Variants in ZFAT observed in about 807,000 individuals in gnomAD.
ZFAT encodes the protein zinc finger protein ZFAT.
ZFAT carries 64 observed loss-of-function variants against 117.7 expected under a neutral mutation model. The observed-to-expected ratio is 0.54, with a 90% CI of 0.44 to 0.67. The LOEUF (loss-of-function observed/expected upper bound fraction) is 0.67. ZFAT is among the 30% of genes least tolerant of loss of function. The pLI is 0.00. For missense variants in ZFAT, 1,433 were observed against 1,584.5 expected (o/e 0.90, Z 1.62); for synonymous variants, 679 against 615.0 (o/e 1.10, Z -1.54).
chr8:134,609,986 T>C (rs1828199666), intron 4 of ZFAT, among the ~76,000 whole-genome samples: 1 of 152,210 alleles, frequency 6.6e-6, no homozygotes, highest in Non-Finnish European at 1.5e-5. Flanking sequence ...TGGGTATCTA[T>C]GTCAGTTTAC....
intron 10 of ZFAT, 136 bp from the exon 11 acceptor site, chr8:134,565,557 AC>A (rs1824389527): frequency 1.2e-6 from 1 of 826,058 alleles, no homozygotes; most frequent in Non-Finnish European, 2.0e-6. Flanking sequence ...GGGAACAGCG[AC>A]GAGGTGCACA....
the ZFAT span, among the ~76,000 whole-genome samples, chr8:134,810,647 C>T: frequency 7.9e-5 from 12 of 152,012 alleles, no homozygotes; most frequent in Non-Finnish European, 1.2e-4. Flanking sequence ...GTCATTTAAC[C>T]GCTCCACACC....
At chr8:134,547,945 G>T (rs1196272125) in intron 11 of ZFAT, among the ~76,000 whole-genome samples, 1 of 152,138 alleles carries the variant, frequency 6.6e-6, no homozygotes, top group East Asian at 1.9e-4. Flanking sequence ...GAGGCCTCTG[G>T]CAACTGTGAG....
At chr8:134,681,941 G>A (rs189207888) in intron 1 of ZFAT, among the ~76,000 whole-genome samples, 1 of 152,304 alleles carries the variant, frequency 6.6e-6, no homozygotes, top group East Asian at 1.9e-4. Context: ...ATATATTCAG[G>A]AAGAGACTCA....
At chr8:134,481,072 G>GT (rs1253243209) in intron 15 of ZFAT, among the ~76,000 whole-genome samples, 4 of 152,066 alleles carry the variant, frequency 2.6e-5, no homozygotes, top group African/African-American at 4.8e-5. Context: ...AGACTGATTT[G>GT]TTTTTTTAGA....
At chr8:134,482,359 G>A (rs1474260863) in intron 15 of ZFAT, among the ~76,000 whole-genome samples, 3 of 152,230 alleles carry the variant, frequency 2.0e-5, no homozygotes, top group Admixed American at 6.5e-5. Context: ...GGCCTGAAAC[G>A]AAGTTCGCAG....
the ZFAT span, among the ~76,000 whole-genome samples, chr8:134,771,211 C>T: frequency 7.2e-5 from 11 of 152,170 alleles, no homozygotes; most frequent in African/African-American, 1.4e-4. Flanking sequence ...TGTGATGTCT[C>T]CCCCGGATGC....
intron 11 of ZFAT, among the ~76,000 whole-genome samples, chr8:134,551,788 T>C (rs1823187428): frequency 6.6e-6 from 1 of 152,224 alleles, no homozygotes; most frequent in African/African-American, 2.4e-5. Flanking sequence ...AAGCCCCTTA[T>C]ACATTCTAGG....
intron 1 of ZFAT, among the ~76,000 whole-genome samples, chr8:134,689,342 A>G (rs1016624203): frequency 2.6e-5 from 4 of 152,236 alleles, no homozygotes; most frequent in Non-Finnish European, 5.9e-5. Context: ...GCCCTGCTCC[A>G]CAGGAGCGGT....
rs759994129 is a variant in ZFAT, at chr8:134,495,933, GA to G, written c.3492+13685del. On this transcript the variant is annotated intron_variant, in intron 15 of 15. Coordinates refer to ENST00000377838, the MANE Select transcript of ZFAT (RefSeq NM_020863.4). ...TGACAGAGTGAGACCCTGTCTCAAA[GA>G]AAAAAAAAAAGTTGGTGTCTTATCC... 5.0e-3 allele frequency among the ~76,000 whole-genome samples: 730 copies of G among 145,504 alleles called. 5 individuals are homozygous for G. Among genetic ancestry groups the G allele is most frequent in the Middle Eastern group, 0.01 (3 of 286 alleles).
At chr8:134,682,429 G>A (rs1365319722) in intron 1 of ZFAT, among the ~76,000 whole-genome samples, 1 of 152,222 alleles carries the variant, frequency 6.6e-6, no homozygotes, top group African/African-American at 2.4e-5. Context: ...GCTGAGGCAG[G>A]CAGATCGCTT....
At chr8:134,818,943 T>C in the ZFAT span, among the ~76,000 whole-genome samples, 2 of 152,160 alleles carry the variant, frequency 1.3e-5, no homozygotes. Context: ...TCAAGGGACA[T>C]CAGAAAACTT....
the ZFAT span, among the ~76,000 whole-genome samples, chr8:134,721,188 C>T: frequency 1.3e-5 from 2 of 152,188 alleles, no homozygotes; most frequent in African/African-American, 4.8e-5. Flanking sequence ...CCCTGAGCTG[C>T]CTGGCCCACT....
chr8:134,553,802 C>T (rs1490331224), intron 11 of ZFAT, among the ~76,000 whole-genome samples: 1 of 152,188 alleles, frequency 6.6e-6, no homozygotes, highest in Non-Finnish European at 1.5e-5. Flanking sequence ...TATCTCTGTG[C>T]TACAGGTAAG....
Position 134,637,730 on chromosome 8 carries a change from G to C in ZFAT, c.197-18C>G. ...CAAAAACTCTACAGAGGAAACAAGAGGGCACAATGGAATCACGTGAGACGG... is the reference window on the plus strand; with the variant it reads ...CAAAAACTCTACAGAGGAAACAAGACGGCACAATGGAATCACGTGAGACGG... On this transcript the variant is annotated intron_variant, in intron 2 of 15. Coordinates refer to ENST00000377838, the MANE Select transcript of ZFAT (RefSeq NM_020863.4). 1 of 1,607,068 alleles carries C rather than the reference G, an allele frequency of 6.2e-7. No individual in the cohort carries two copies. Among genetic ancestry groups the C allele is most frequent in the South Asian group, 1.1e-5 (1 of 90,844 alleles).
intron 1 of ZFAT, among the ~76,000 whole-genome samples, chr8:134,677,283 A>G (rs2131285854): frequency 6.6e-6 from 1 of 152,348 alleles, no homozygotes; most frequent in Non-Finnish European, 1.5e-5. Context: ...TCCCACAGAA[A>G]TACAAACTAC....
chr8:134,622,108 C>G (rs1236212294), intron 3 of ZFAT, among the ~76,000 whole-genome samples: 1 of 152,216 alleles, frequency 6.6e-6, no homozygotes, highest in Admixed American at 6.5e-5. Flanking sequence ...GTCGACTTCA[C>G]GCCCAATTAT....
chr8:134,609,292 A>C (rs984447209), intron 4 of ZFAT, among the ~76,000 whole-genome samples: 2 of 152,162 alleles, frequency 1.3e-5, no homozygotes, highest in African/African-American at 4.8e-5. Flanking sequence ...GGAATTGCAA[A>C]GGAATTATTT....
intron 1 of ZFAT, among the ~76,000 whole-genome samples, chr8:134,676,041 G>T (rs186763451): frequency 2.8e-4 from 43 of 152,100 alleles, no homozygotes; most frequent in African/African-American, 9.9e-4. Flanking sequence ...ATCAACTAAT[G>T]GGCAAAATAA....
Sources: gnomAD v4.1 joint callset for allele counts (sites outside exome capture counted in the v4.1 genomes callset) on GRCh38, gnomAD v4.1.1 for gene constraint, MANE v1.5 for transcripts, NCBI Gene and HGNC (gene_info 2026-07-23, HGNC 2026-07-21) for gene names.